Variants in FAAH observed in about 807,000 individuals in gnomAD.
FAAH encodes the protein fatty-acid amide hydrolase 1.
Under a neutral mutation model 69.7 loss-of-function variants are expected in FAAH, and 63 were observed. The observed-to-expected ratio is 0.90, with a 90% CI of 0.74 to 1.12. FAAH has a LOEUF of 1.12. FAAH is among the 50% of genes most tolerant of loss of function. The pLI is 0.00. For missense variants in FAAH, 680 were observed against 755.0 expected (o/e 0.90, Z 1.16); for synonymous variants, 305 against 324.2 (o/e 0.94, Z 0.64).
chr1:46,410,326 C>T lies in FAAH; in HGVS notation c.1176-72C>T. 8.4e-7 allele frequency: 1 copy of T among 1,187,286 alleles called. No individual in the cohort carries two copies. Among genetic ancestry groups the T allele is most frequent in the Non-Finnish European group, 1.3e-6 (1 of 791,418 alleles). The allele number at this position is 1,187,286 out of a possible 1,614,324, so 73.5% of individuals were successfully genotyped here. On this transcript the variant is annotated intron_variant, in intron 9 of 14. Coordinates refer to ENST00000243167, the MANE Select transcript of FAAH (RefSeq NM_001441.3). This position sits in a 1 kb window ranked among gnomAD's most constrained non-coding sequence, Gnocchi z 4.9. Reference sequence around the variant, plus strand: ...GATCCCTGCATAGAGAATGGGATTGCTGTGGGCCGGGCGAGCAAGCTGGGA... The same window carrying T: ...GATCCCTGCATAGAGAATGGGATTGTTGTGGGCCGGGCGAGCAAGCTGGGA...
At position 46,413,148 on chromosome 1, in the gene FAAH, T is replaced by G; in HGVS notation, c.1539T>G (p.Thr513=). ...GGGTGGTGCCTGTCACCACGGTGAC[T>G]GCTGAGGACGAGGCCCAGATGGAAC... ...PAGVVPVTTV[T]AEDEAQMEHY... is the part of the protein sequence containing the mutation. Residue 513 remains threonine (T), a synonymous_variant, in exon 14 of 15, where the codon ACT becomes ACG. Coordinates refer to ENST00000243167, the MANE Select transcript of FAAH (RefSeq NM_001441.3). The G allele has an allele frequency of 6.2e-7, 1 of 1,614,188 alleles. No individual in the cohort carries two copies. The highest frequency in any genetic ancestry group is 8.5e-7 in the Non-Finnish European group (1 of 1,180,022).
At chr1:46,406,666 T>C (rs1275686408) in intron 7 of FAAH, among the ~76,000 whole-genome samples, 1 of 145,414 alleles carries the variant, frequency 6.9e-6, no homozygotes, top group African/African-American at 2.5e-5. Flanking sequence ...CACTGCAAGC[T>C]CCGCCTCCCG....
chr1:46,401,416 A>C (rs982067173), intron 1 of FAAH, among the ~76,000 whole-genome samples: 7 of 152,114 alleles, frequency 4.6e-5, no homozygotes, highest in African/African-American at 1.4e-4. Context: ...AGAACCCACC[A>C]ATTCCGGACA....
Sources: allele counts gnomAD v4.1 joint callset (sites outside exome capture counted in the v4.1 genomes callset), GRCh38; gene constraint gnomAD v4.1.1; non-coding constraint Gnocchi (gnomAD v3.1); transcripts MANE v1.5; gene names NCBI Gene and HGNC (gene_info 2026-07-23, HGNC 2026-07-21).